Variants in CHST8 observed in about 807,000 individuals in gnomAD.
The protein encoded by CHST8 is GALNAC-4-ST1.
Under a neutral mutation model 15.0 loss-of-function variants are expected in CHST8, and 10 were observed. The observed-to-expected ratio is 0.67, with a 90% CI of 0.41 to 1.13. CHST8 has a LOEUF of 1.13. Among genes scored for constraint, CHST8 ranks in the 50% most tolerant of loss-of-function variants. The pLI is 0.00. For synonymous variants in CHST8, 259 were observed against 256.6 expected, an observed-to-expected ratio of 1.01 and a Z score of -0.09; for missense variants, 634 against 608.2, an observed-to-expected ratio of 1.04 and a Z score of -0.45.
chr19:33,694,237 T>C (rs535682456), intron 3 of CHST8, among the ~76,000 whole-genome samples: 7 of 136,214 alleles, frequency 5.1e-5, no homozygotes, highest in African/African-American at 1.9e-4. Flanking sequence ...CCATACAGAT[T>C]CTCTTGCTGG....
rs777413692 is a variant in CHST8, at chr19:33,773,072, G to A, written c.*9G>A. 7.6e-6 allele frequency: 12 copies of A among 1,578,900 alleles called. No individual in the cohort carries two copies. The highest frequency in any genetic ancestry group is 5.4e-5 in the African/African-American group (4 of 74,544). On this transcript the variant is annotated 3_prime_UTR_variant, in exon 5 of 5. Transcript: ENST00000650847. ...TTGCAGATCTGTACTGAGGGGCGCCGCAGCTGGCCGGGGCCGCCCTGCCCC... is the reference window on the plus strand; with the variant it reads ...TTGCAGATCTGTACTGAGGGGCGCCACAGCTGGCCGGGGCCGCCCTGCCCC...
chr19:33,692,216 G>A (rs906745767), intron 3 of CHST8, among the ~76,000 whole-genome samples: 12 of 152,190 alleles, frequency 7.9e-5, no homozygotes, highest in Admixed American at 1.3e-4. Context: ...TAAGCTATCC[G>A]ATGCGAAGAT....
rs141708533 is a variant in CHST8 at position 33,652,802 on chromosome 19, G to A, written c.-163-14965G>A. Among the ~76,000 whole-genome samples, 321 of 152,002 alleles carry A rather than the reference G, an allele frequency of 2.1e-3. 1 individual carries two copies. The highest frequency in any genetic ancestry group is 3.3e-3 in the Non-Finnish European group (222 of 67,984). On this transcript the variant is annotated intron_variant, in intron 1 of 4. Transcript: ENST00000650847. ...ATGTACTTTACTCTTGTTTTAGTCC[G>A]TCTGCTGGTTTGGAAGTTACACATT...
chr19:33,761,794 C>T (rs1010505569), intron 3 of CHST8, among the ~76,000 whole-genome samples: 6 of 151,678 alleles, frequency 4.0e-5, no homozygotes, highest in South Asian at 2.1e-4. Context: ...GCCATGACCA[C>T]GGCACTCCAG....
intron 3 of CHST8, among the ~76,000 whole-genome samples, chr19:33,757,419 A>G (rs1974575736): frequency 2.0e-4 from 2 of 9,820 alleles, no homozygotes; most frequent in African/African-American, 6.8e-4. Context: ...AGAAAGAAAG[A>G]AAGAAAGAAA....
intron 1 of CHST8, among the ~76,000 whole-genome samples, chr19:33,665,049 G>T (rs533254023): frequency 6.6e-6 from 1 of 152,150 alleles, no homozygotes; most frequent in African/African-American, 2.4e-5. Flanking sequence ...GACTAGTGCC[G>T]CAATAAACGT....
chr19:33,662,516 C>T (rs990934430), intron 1 of CHST8, among the ~76,000 whole-genome samples: 1 of 152,212 alleles, frequency 6.6e-6, no homozygotes, highest in African/African-American at 2.4e-5. Context: ...CAGACCAGGG[C>T]AATGCTGTGG....
intron 3 of CHST8, among the ~76,000 whole-genome samples, chr19:33,700,225 A>T (rs959192516): frequency 2.6e-5 from 4 of 152,224 alleles, no homozygotes; most frequent in African/African-American, 7.2e-5. Flanking sequence ...ATTGCGGAAC[A>T]TCATATATAT....
chr19:33,625,718 C>T (rs564448754), intron 1 of CHST8, among the ~76,000 whole-genome samples: 10 of 152,014 alleles, frequency 6.6e-5, no homozygotes, highest in Middle Eastern at 3.4e-3. Context: ...AAAAATTAGC[C>T]GGGCATGGTG....
intron 3 of CHST8, among the ~76,000 whole-genome samples, chr19:33,728,475 G>A (rs1973941676): frequency 1.3e-5 from 2 of 152,208 alleles, no homozygotes; most frequent in Non-Finnish European, 2.9e-5. Flanking sequence ...AGAGTTGGGG[G>A]AACACAGTGC....
At chr19:33,722,507 C>A (rs1973819083) in intron 3 of CHST8, among the ~76,000 whole-genome samples, 1 of 152,160 alleles carries the variant, frequency 6.6e-6, no homozygotes, top group East Asian at 1.9e-4. Context: ...AACATCATCT[C>A]CAGAAGCTAT....
intron 1 of CHST8, among the ~76,000 whole-genome samples, chr19:33,656,881 T>G (rs1364357528): frequency 6.6e-6 from 1 of 152,178 alleles, no homozygotes; most frequent in Non-Finnish European, 1.5e-5. Flanking sequence ...CTATTTATAA[T>G]GTATCATTAT....
chr19:33,647,700 G>A (rs1972371675), intron 1 of CHST8, among the ~76,000 whole-genome samples: 1 of 151,914 alleles, frequency 6.6e-6, no homozygotes, highest in Admixed American at 6.6e-5. Flanking sequence ...ACAAAAATTA[G>A]CCAGGCATGG....
At chr19:33,703,620 C>T (rs1213438294) in intron 3 of CHST8, among the ~76,000 whole-genome samples, 1 of 152,222 alleles carries the variant, frequency 6.6e-6, no homozygotes, top group Non-Finnish European at 1.5e-5. Flanking sequence ...GGTTATCCCG[C>T]TCTTGCATTG....
intron 3 of CHST8, among the ~76,000 whole-genome samples, chr19:33,740,231 TGTG>T (rs1974160229): frequency 6.6e-6 from 1 of 152,120 alleles, no homozygotes; most frequent in Admixed American, 6.5e-5. Flanking sequence ...ACTCGTGGGT[TGTG>T]GTGTTTCTTT....
chr19:33,681,572 T>C (rs1440386231), intron 2 of CHST8, among the ~76,000 whole-genome samples: 1 of 152,220 alleles, frequency 6.6e-6, no homozygotes, highest in Non-Finnish European at 1.5e-5. Flanking sequence ...TGCCCTTGAC[T>C]GAAGCCTACC....
At chr19:33,712,990 G>A (rs1291805830) in intron 3 of CHST8, among the ~76,000 whole-genome samples, 1 of 152,094 alleles carries the variant, frequency 6.6e-6, no homozygotes, top group African/African-American at 2.4e-5. Context: ...ATGGAGGCTG[G>A]CCAACCCATG....
chr19:33,634,400 A>G (rs148720988), intron 1 of CHST8, among the ~76,000 whole-genome samples: 147 of 152,278 alleles, frequency 9.7e-4, no homozygotes, highest in Admixed American at 1.8e-3. Context: ...TCGTCCCCAA[A>G]TTGTAGAACT....
In CHST8 at chr19:33,707,854, A is replaced by G. The variant is rs116729705; in HGVS notation, c.130+18463A>G. Reference sequence around the variant, plus strand: ...ACAAACTGTTGGCTAAAATTGCTGTACCATTTTACATTCTCACCAGCAGGG... The same window carrying G: ...ACAAACTGTTGGCTAAAATTGCTGTGCCATTTTACATTCTCACCAGCAGGG... On this transcript the variant is annotated intron_variant, in intron 3 of 4. Coordinates refer to ENST00000650847, the MANE Select transcript of CHST8 (RefSeq NM_001127895.2). Among the ~76,000 whole-genome samples, 143 of 152,324 alleles carry G rather than the reference A, an allele frequency of 9.4e-4. 1 individual carries two copies. The highest frequency in any genetic ancestry group is 3.4e-3 in the African/African-American group (143 of 41,578).
Sources: gnomAD v4.1 joint callset for allele counts (sites outside exome capture counted in the v4.1 genomes callset) on GRCh38, gnomAD v4.1.1 for gene constraint, MANE v1.5 for transcripts, NCBI Gene and HGNC (gene_info 2026-07-23, HGNC 2026-07-21) for gene names.